Variants in UGGT2 observed in about 807,000 individuals in gnomAD.
UGGT2 encodes UDP-glucose:glycoprotein glucosyltransferase 2.
A neutral mutation model predicts 192.1 loss-of-function variants in UGGT2; 180 were observed. That is an observed-to-expected ratio of 0.94 (90% CI 0.83 to 1.06). UGGT2 has a LOEUF of 1.06. Ranked by LOEUF, UGGT2 falls within the 50% of genes least tolerant of loss-of-function variation. The pLI, the probability that UGGT2 is intolerant of heterozygous loss-of-function variation, is 0.00. For synonymous variants in UGGT2, 580 were observed against 591.0 expected (o/e 0.98, Z 0.27); for missense variants, 1,849 against 1,795.7 (o/e 1.03, Z -0.54).
intron 12 of UGGT2, among the ~76,000 whole-genome samples, chr13:95,963,170 GC>G (rs2050456006): frequency 6.6e-6 from 1 of 151,860 alleles, no homozygotes; most frequent in African/African-American, 2.4e-5. Context: ...ATACTAGTAA[GC>G]CAAATCCAAA....
At chr13:95,824,263 T>G (rs1291395499) in intron 38 of UGGT2, among the ~76,000 whole-genome samples, 1 of 152,180 alleles carries the variant, frequency 6.6e-6, no homozygotes, top group African/African-American at 2.4e-5. Flanking sequence ...GACAACTGTG[T>G]GCTTCGGTGA....
intron 5 of UGGT2, among the ~76,000 whole-genome samples, chr13:96,007,453 G>C (rs1013466572): frequency 1.3e-5 from 2 of 151,980 alleles, no homozygotes; most frequent in Non-Finnish European, 2.9e-5. Flanking sequence ...CTTAGCCAGA[G>C]TAATAAGGCA....
At chr13:95,999,097 C>T (rs2051715637) in intron 6 of UGGT2, 114 bp downstream of exon 6, 1 of 626,914 alleles carries the variant, frequency 1.6e-6, no homozygotes, top group Non-Finnish European at 2.7e-6. Context: ...TCCACCCCAT[C>T]TCTAGCCTCA....
At chr13:95,886,338 T>G (rs952271899) in intron 26 of UGGT2, among the ~76,000 whole-genome samples, 5 of 152,226 alleles carry the variant, frequency 3.3e-5, no homozygotes, top group African/African-American at 1.2e-4. Flanking sequence ...AAGATTCTGT[T>G]GAACTACTAG....
At chr13:95,868,373 A>G (rs548697226) in intron 29 of UGGT2, among the ~76,000 whole-genome samples, 1 of 152,148 alleles carries the variant, frequency 6.6e-6, no homozygotes, top group South Asian at 2.1e-4. Context: ...GGGTGGGAGA[A>G]TCGCTTGAGT....
intron 6 of UGGT2, among the ~76,000 whole-genome samples, chr13:95,997,053 CTT>C (rs963301084): frequency 2.0e-5 from 3 of 152,150 alleles, no homozygotes; most frequent in African/African-American, 7.2e-5. Flanking sequence ...TACGCTTACT[CTT>C]TCTTACTTTT....
At chr13:95,903,199 CTAAA>C in intron 20 of UGGT2, 139 bp from the exon 21 acceptor site, 1 of 726,832 alleles carries the variant, frequency 1.4e-6, no homozygotes, top group Non-Finnish European at 2.1e-6. Flanking sequence ...GTTTACTGTA[CTAAA>C]TGTGATATAC....
intron 36 of UGGT2, among the ~76,000 whole-genome samples, chr13:95,844,770 G>A (rs921266265): frequency 6.6e-6 from 1 of 152,062 alleles, no homozygotes; most frequent in African/African-American, 2.4e-5. Context: ...TGCCAATCTG[G>A]ATGCCTTTTA....
At chr13:95,925,083 T>G (rs547103179) in intron 20 of UGGT2, among the ~76,000 whole-genome samples, 1 of 152,326 alleles carries the variant, frequency 6.6e-6, no homozygotes, top group South Asian at 2.1e-4. Context: ...ATAAAATATT[T>G]TGGTTTATGT....
Position 96,023,170 on chromosome 13 carries a change from A to C in UGGT2, c.373-18T>G. The C allele has an allele frequency of 6.5e-7, 1 of 1,549,846 alleles. No homozygotes were observed. On this transcript the variant is annotated intron_variant, in intron 3 of 38. Coordinates refer to ENST00000376747, the MANE Select transcript of UGGT2 (RefSeq NM_020121.4). ...GCTGCAATCTAAGATTTCAAAGATTATATTTAGCTACAGCAGTTGATAATT... is the reference window on the plus strand; with the variant it reads ...GCTGCAATCTAAGATTTCAAAGATTCTATTTAGCTACAGCAGTTGATAATT...
chr13:95,858,116 A>G (rs561619187), intron 33 of UGGT2, among the ~76,000 whole-genome samples: 2 of 151,764 alleles, frequency 1.3e-5, no homozygotes, highest in African/African-American at 2.4e-5. Flanking sequence ...CTGGGTTCAA[A>G]TCTCAGCTGT....
In UGGT2 at chr13:95,895,208, C is replaced by T. The variant is rs2047913164; in HGVS notation, c.2731G>A (p.Val911Ile). The T allele has an allele frequency of 2.5e-6, 4 of 1,586,364 alleles. No homozygotes were observed. In the East Asian group the frequency reaches 9.1e-5, roughly 36 times the overall value. The change falls in exon 23 of 39, where the codon GTT (valine) becomes ATT (isoleucine). Residue 911 changes from valine (V) to isoleucine (I), a missense_variant. By Grantham distance (29) the Val-to-Ile change is conservative. Coordinates refer to ENST00000376747, the MANE Select transcript of UGGT2 (RefSeq NM_020121.4). Reference sequence around the variant, plus strand: ...TTTGCGTTGATTCCCATATTTTCAACAATGCCTTTAATTTTCTCTCCTAAA... The same window carrying T: ...TTTGCGTTGATTCCCATATTTTCAATAATGCCTTTAATTTTCTCTCCTAAA... ...SNLGEKIKGI[V>I]ENMGINANNM... is the part of the protein sequence containing the mutation.
intron 37 of UGGT2, among the ~76,000 whole-genome samples, chr13:95,836,341 T>G (rs1887285898): frequency 6.6e-6 from 1 of 152,222 alleles, no homozygotes; most frequent in African/African-American, 2.4e-5. Context: ...TAAGCCACCG[T>G]GCCCAGCCCT....
chr13:95,994,495 G>A (rs2051556182), intron 7 of UGGT2, among the ~76,000 whole-genome samples: 1 of 151,328 alleles, frequency 6.6e-6, no homozygotes, highest in Admixed American at 6.6e-5. Flanking sequence ...AGCATTTTGT[G>A]AAACTATTTT....
chr13:95,948,164 A>C (rs942287417), intron 13 of UGGT2, 83 bp from the exon 14 acceptor site: 14 of 1,060,590 alleles, frequency 1.3e-5, no homozygotes, highest in Non-Finnish European at 1.9e-5. Flanking sequence ...TTTGTGACTG[A>C]AAGTATGAAA....
At chr13:95,927,357 TTTAGA>T in intron 17 of UGGT2, 21 bp from the exon 18 acceptor site, 2 of 1,584,698 alleles carry the variant, frequency 1.3e-6, no homozygotes, top group Non-Finnish European at 1.7e-6. Flanking sequence ...AAAAATGTTA[TTTAGA>T]TAATACAGGC....
At chr13:95,885,782 C>T (rs1443424286) in intron 26 of UGGT2, among the ~76,000 whole-genome samples, 1 of 152,146 alleles carries the variant, frequency 6.6e-6, no homozygotes, top group African/African-American at 2.4e-5. Flanking sequence ...AAAAAGTATT[C>T]TCTGAATGTA....
At chr13:95,808,554 T>G (rs1388767063) in intron 38 of UGGT2, among the ~76,000 whole-genome samples, 1 of 152,132 alleles carries the variant, frequency 6.6e-6, no homozygotes, top group East Asian at 1.9e-4. Context: ...ACACAGACAT[T>G]TCAATTTGTA....
chr13:95,924,517 AT>A (rs980481466), intron 20 of UGGT2, among the ~76,000 whole-genome samples: 6 of 145,706 alleles, frequency 4.1e-5, no homozygotes, highest in African/African-American at 1.3e-4. Context: ...AAGAAGTATT[AT>A]TTATTCTTAA....
Sources: gnomAD v4.1 joint callset for allele counts (sites outside exome capture counted in the v4.1 genomes callset) on GRCh38, gnomAD v4.1.1 for gene constraint, MANE v1.5 for transcripts, NCBI Gene and HGNC (gene_info 2026-07-23, HGNC 2026-07-21) for gene names.